The following ZNF69 variants were observed in gnomAD, a reference collection of about 807,000 sequenced individuals.
ZNF69 encodes the protein zinc finger protein 69.
A neutral mutation model predicts 50.9 loss-of-function variants in ZNF69; 47 were observed. That is an observed-to-expected ratio of 0.92 (90% CI 0.73 to 1.18). The LOEUF (loss-of-function observed/expected upper bound fraction) is 1.18, where lower values mean the gene tolerates loss of function less well. Ranked by LOEUF, ZNF69 falls within the 50% of genes most tolerant of loss-of-function variation. ZNF69 has a pLI of 0.00. For missense variants in ZNF69, 717 were observed against 675.1 expected, an observed-to-expected ratio of 1.06 and a Z score of -0.69; for synonymous variants, 216 against 223.1, an observed-to-expected ratio of 0.97 and a Z score of 0.29.
the ZNF69 span, among the ~76,000 whole-genome samples, chr19:11,932,322 T>G: frequency 1.4e-5 from 2 of 147,058 alleles, no homozygotes; most frequent in East Asian, 3.9e-4. Context: ...CCAGCCTGGG[T>G]AACAGAACGA....
At chr19:11,945,657 T>G in the ZNF69 span, among the ~76,000 whole-genome samples, 1 of 152,092 alleles carries the variant, frequency 6.6e-6, no homozygotes, top group Non-Finnish European at 1.5e-5. Context: ...TGACCATCAC[T>G]TAGCCAGAGC....
chr19:11,935,626 C>G, the ZNF69 span, among the ~76,000 whole-genome samples: 8 of 152,248 alleles, frequency 5.3e-5, no homozygotes, highest in African/African-American at 1.9e-4. Context: ...GATAGGCGTT[C>G]TGCAATTATT....
At chr19:11,950,750 G>C in the ZNF69 span, 1 of 204,722 alleles carries the variant, frequency 4.9e-6, no homozygotes, top group Middle Eastern at 7.1e-4. Context: ...ATATCCCATT[G>C]GTTTTATGTA....
At chr19:11,912,283 A>G (rs1323275011) in intron 4 of ZNF69, among the ~76,000 whole-genome samples, 1 of 152,222 alleles carries the variant, frequency 6.6e-6, no homozygotes, top group East Asian at 1.9e-4. Context: ...AAGCTCTGTG[A>G]ATGTAAGCAT....
the ZNF69 span, chr19:11,978,398 C>T: frequency 6.2e-7 from 1 of 1,614,056 alleles, no homozygotes; most frequent in African/African-American, 1.3e-5. Flanking sequence ...ATCACCCCTC[C>T]TTTAGAACAC....
At chr19:11,974,847 C>T in the ZNF69 span, among the ~76,000 whole-genome samples, 1 of 152,328 alleles carries the variant, frequency 6.6e-6, no homozygotes, top group South Asian at 2.1e-4. Context: ...AAGTGATACG[C>T]CTGCCTTGGC....
At chr19:11,894,212 C>T (rs948382948) in intron 1 of ZNF69, among the ~76,000 whole-genome samples, 2 of 152,174 alleles carry the variant, frequency 1.3e-5, no homozygotes, top group African/African-American at 2.4e-5. Context: ...CTCAGTCGCC[C>T]AGGCTGGAGT....
the ZNF69 span, among the ~76,000 whole-genome samples, chr19:11,935,824 A>G: frequency 1.3e-5 from 2 of 152,154 alleles, no homozygotes; most frequent in South Asian, 2.1e-4. Context: ...TGTCATTTAC[A>G]TTCGGTATTT....
At chr19:11,932,133 AAAAG>A in the ZNF69 span, among the ~76,000 whole-genome samples, 8 of 147,878 alleles carry the variant, frequency 5.4e-5, 1 homozygote, top group African/African-American at 1.6e-4. Flanking sequence ...CAAAAAAAAA[AAAAG>A]AAAGAAAATA....
the ZNF69 span, among the ~76,000 whole-genome samples, chr19:11,919,845 G>A: frequency 1.3e-5 from 2 of 152,076 alleles, no homozygotes; most frequent in African/African-American, 4.8e-5. Flanking sequence ...CCAGAACTGT[G>A]AGAAAAAAAT....
downstream of ZNF69, among the ~76,000 whole-genome samples, chr19:11,918,026 T>C (rs1431288115): frequency 6.6e-6 from 1 of 152,070 alleles, no homozygotes. Context: ...CCTCAGGTGA[T>C]CCACCCGCCT....
At chr19:11,948,948 C>T in the ZNF69 span, 1 of 1,608,234 alleles carries the variant, frequency 6.2e-7, no homozygotes, top group South Asian at 1.1e-5. Context: ...CTTATCAATG[C>T]AAAGAATGTG....
chr19:11,965,931 A>G, the ZNF69 span, among the ~76,000 whole-genome samples: 2 of 152,224 alleles, frequency 1.3e-5, no homozygotes, highest in African/African-American at 2.4e-5. Flanking sequence ...GGGGGGTTAG[A>G]AGGCACAGGT....
At chr19:11,945,365 T>C in the ZNF69 span, among the ~76,000 whole-genome samples, 1 of 152,332 alleles carries the variant, frequency 6.6e-6, no homozygotes, top group South Asian at 2.1e-4. Flanking sequence ...TGACCTGCTT[T>C]CTTTCTGAGC....
At chr19:11,950,457 G>A in the ZNF69 span, 10,353 of 685,556 alleles carry the variant, frequency 0.015, 105 homozygotes, top group South Asian at 0.024. Flanking sequence ...GGACTCACAC[G>A]GGAGAGAAAC....
chr19:11,977,326 A>C, the ZNF69 span: 23 of 1,604,156 alleles, frequency 1.4e-5, no homozygotes, highest in Admixed American at 3.5e-5. Context: ...ATTTTTTCAC[A>C]GTTTTATATT....
chr19:11,913,562 G>T, exon 5 of ZNF69: 1 of 360,994 alleles, frequency 2.8e-6, no homozygotes, highest in East Asian at 4.2e-5. Context: ...CTAATTTTTT[G>T]TATTTTTTAG....
the ZNF69 span, chr19:11,948,170 C>T: frequency 2.3e-6 from 3 of 1,306,422 alleles, no homozygotes; most frequent in African/African-American, 3.0e-5. Context: ...GGGCAGAAAG[C>T]CTACACTTTG....
At chr19:11,942,007 G>T in the ZNF69 span, among the ~76,000 whole-genome samples, 1 of 152,070 alleles carries the variant, frequency 6.6e-6, no homozygotes, top group African/African-American at 2.4e-5. Flanking sequence ...GGAGTTTCTC[G>T]TTTGGCCTCT....
Sources: gnomAD v4.1 joint callset for allele counts (sites outside exome capture counted in the v4.1 genomes callset) on GRCh38, gnomAD v4.1.1 for gene constraint, MANE v1.5 for transcripts, NCBI Gene and HGNC (gene_info 2026-07-23, HGNC 2026-07-21) for gene names.